TNK2: variants seen among roughly 807,000 people sequenced by gnomAD.
TNK2 encodes activated CDC42 kinase 1.
A neutral mutation model predicts 101.8 loss-of-function variants in TNK2; 83 were observed. The observed-to-expected ratio is 0.82, with a 90% CI of 0.68 to 0.98. The LOEUF (loss-of-function observed/expected upper bound fraction) is 0.98, where lower values mean the gene tolerates loss of function less well. Ranked by LOEUF, TNK2 falls within the 50% of genes least tolerant of loss-of-function variation. TNK2 has a pLI of 0.00. For synonymous variants in TNK2, 804 were observed against 633.0 expected, an observed-to-expected ratio of 1.27 and a Z score of -4.06; for missense variants, 1,665 against 1,483.2, an observed-to-expected ratio of 1.12 and a Z score of -2.01.
chr3:195,893,550 C>T (rs1483210056), intron 1 of TNK2, among the ~76,000 whole-genome samples: 1 of 152,130 alleles, frequency 6.6e-6, no homozygotes, highest in East Asian at 1.9e-4. Flanking sequence ...CCTAGAGACA[C>T]TCCATCAAGC....
intron 4 of TNK2, chr3:195,884,305 T>C (rs1754618972): frequency 6.6e-6 from 1 of 152,240 alleles, no homozygotes; most frequent in Non-Finnish European, 1.5e-5. Flanking sequence ...CAAACTTTTA[T>C]AATAAATTAT....
intron 1 of TNK2, among the ~76,000 whole-genome samples, chr3:195,905,488 C>T (rs151094251): frequency 5.9e-5 from 9 of 152,158 alleles, no homozygotes; most frequent in East Asian, 5.8e-4. Flanking sequence ...AGTGAGCCAC[C>T]GTGCCCAGCC....
At chr3:195,901,130 G>T (rs4927790) in intron 1 of TNK2, among the ~76,000 whole-genome samples, 42,505 of 151,826 alleles carry the variant, frequency 0.28, 6,193 homozygotes, top group African/African-American at 0.36. Flanking sequence ...CCAGAGAAAT[G>T]TCCGGTGCTT....
rs115717686 is a variant in TNK2, at chr3:195,864,250, C to G, written c.3162-63G>C. 5.3e-3 allele frequency: 8,513 copies of G among 1,606,680 alleles called. 52 individuals are homozygous for G. The highest frequency in any genetic ancestry group is 0.013 in the East Asian group (564 of 44,820). ...TACAGAAGGTTCAGCGGGGCAGGCACCGGGGGTCACACTGGTGCCAGGCAA... is the reference window on the plus strand; with the variant it reads ...TACAGAAGGTTCAGCGGGGCAGGCAGCGGGGGTCACACTGGTGCCAGGCAA... On this transcript the variant is annotated intron_variant, in intron 15 of 15. Coordinates refer to ENST00000672887, the MANE Select transcript of TNK2 (RefSeq NM_001382273.1).
At chr3:195,887,822 G>T (rs1015742392) in intron 2 of TNK2, among the ~76,000 whole-genome samples, 1 of 138,516 alleles carries the variant, frequency 7.2e-6, no homozygotes, top group African/African-American at 3.1e-5. Flanking sequence ...GTGCATGCGG[G>T]TGTGCGCACA....
chr3:195,869,693 A>G, intron 11 of TNK2, 152 bp from the exon 12 acceptor site: 1 of 788,666 alleles, frequency 1.3e-6, no homozygotes, highest in Admixed American at 2.1e-5. Context: ...AGCAAACGGG[A>G]GGCCGCAGGC....
chr3:195,876,137 A>G (rs138888577), intron 9 of TNK2, among the ~76,000 whole-genome samples: 1 of 152,270 alleles, frequency 6.6e-6, no homozygotes, highest in Non-Finnish European at 1.5e-5. Flanking sequence ...TATGCGGAAC[A>G]AAAGTGCTGC....
chr3:195,867,958 C>CTCCTCCT lies in TNK2; in HGVS notation c.2333_2339dup (p.Thr781GlyfsTer115). 6.5e-7 allele frequency: 1 copy of CTCCTCCT among 1,543,354 alleles called. No individual in the cohort carries two copies. Among genetic ancestry groups the CTCCTCCT allele is most frequent in the South Asian group, 1.2e-5 (1 of 83,260 alleles). On this transcript the variant is annotated frameshift_variant, in exon 13 of 16. Transcript: ENST00000672887. LOFTEE classifies it high-confidence loss of function. ...AAGCAGGTCCAGGCCACTGGCTGGT[C>CTCCTCCT]TCCTCCTCGCCCGGGGGGGCTGGAG...
At chr3:195,877,458 G>T (rs1344764401) in intron 9 of TNK2, among the ~76,000 whole-genome samples, 1 of 152,184 alleles carries the variant, frequency 6.6e-6, no homozygotes, top group Non-Finnish European at 1.5e-5. Context: ...GGCTCCCTGG[G>T]AAGCAGCCCT....
At position 195,869,601 on chromosome 3, in the gene TNK2, G is replaced by C. The variant is rs536396725; in HGVS notation, c.1544-60C>G. The C allele has an allele frequency of 1.2e-4, 177 of 1,516,818 alleles. 1 individual carries two copies. In the African/African-American group the frequency reaches 2.4e-3, roughly 20 times the overall value. The allele number at this position is 1,516,818 out of a possible 1,614,324, so 94.0% of individuals were successfully genotyped here. On this transcript the variant is annotated intron_variant, in intron 11 of 15. Transcript: ENST00000672887. ...ACGGAGCAGGACAGAGGACAAAGGAGGGAGACGGCCGGACGAGAGGGCAGA... is the reference window on the plus strand; with the variant it reads ...ACGGAGCAGGACAGAGGACAAAGGACGGAGACGGCCGGACGAGAGGGCAGA...
chr3:195,885,597 T>G lies in TNK2; in HGVS notation c.235-564A>C, dbSNP rs1755259444. On this transcript the variant is annotated intron_variant, in intron 3 of 15. Transcript: ENST00000672887. This position sits in a 1 kb window ranked among gnomAD's most constrained non-coding sequence, Gnocchi z 4.7. ...TGAGGTTGAACCGTGAGTGTGTGTG[T>G]GGTTCAGATGAAGCTAGTCCTTGCT... 1 of 1,289,116 alleles carries G rather than the reference T, an allele frequency of 7.8e-7. No individual in the cohort carries two copies. The highest frequency in any genetic ancestry group is 1.5e-5 in the African/African-American group (1 of 65,918). 79.9% of individuals were successfully genotyped at this position (1,289,116 alleles called of 1,614,324 possible). A position where few individuals can be genotyped will look rare whatever the true frequency, so the allele number is the denominator to read the frequency against.
chr3:195,904,913 G>C (rs180686960), intron 1 of TNK2, among the ~76,000 whole-genome samples: 1 of 152,172 alleles, frequency 6.6e-6, no homozygotes, highest in Non-Finnish European at 1.5e-5. Context: ...ACTGCTAACC[G>C]ATCAATTCTC....
intron 6 of TNK2, among the ~76,000 whole-genome samples, chr3:195,880,408 CACCCCCCCAGCA>C (rs1751760235): frequency 7.3e-6 from 1 of 136,650 alleles, no homozygotes; most frequent in Non-Finnish European, 1.6e-5. Context: ...ATCCCTGTAA[CACCCCCCCAGCA>C]ATGCCCCTTG....
chr3:195,876,266 GAGA>G (rs1393682042), intron 9 of TNK2, among the ~76,000 whole-genome samples: 1 of 152,216 alleles, frequency 6.6e-6, no homozygotes, highest in Admixed American at 6.5e-5. Flanking sequence ...CTGGTACCCT[GAGA>G]AGGACTGAGC....
At chr3:195,883,541 G>A in intron 4 of TNK2, 1 of 526,832 alleles carries the variant, frequency 1.9e-6, no homozygotes, top group African/African-American at 1.9e-5. Context: ...CCCTTCCTGG[G>A]GGAATGCCGG....
In TNK2 at chr3:195,885,414, C is replaced by T; in HGVS notation, c.235-381G>A. 3 of 1,338,912 alleles carry T rather than the reference C, an allele frequency of 2.2e-6. No individual in the cohort carries two copies. Among genetic ancestry groups the T allele is most frequent in the Admixed American group, 2.2e-5 (1 of 44,822 alleles). 82.9% of individuals were successfully genotyped at this position (1,338,912 alleles called of 1,614,324 possible). On this transcript the variant is annotated intron_variant, in intron 3 of 15. Transcript: ENST00000672887. The surrounding 1 kb of genome is among the most constrained non-coding windows in gnomAD (Gnocchi z 4.7). Reference sequence around the variant, plus strand: ...CACCCCGCAGACTCCAGCCCTAACCCGCATCGATGGAGCCGCAGGGGCCCT... The same window carrying T: ...CACCCCGCAGACTCCAGCCCTAACCTGCATCGATGGAGCCGCAGGGGCCCT...
rs1042357846 is a variant in TNK2, at chr3:195,867,160, T to C, written c.3033+9A>G. On this transcript the variant is annotated intron_variant, in intron 14 of 15. Transcript: ENST00000672887. ...CCTGAGAGCCAGAGTGAGCAGGAGG[T>C]GGCGGTACCTTCAGATACTGGGCAG... The C allele has an allele frequency of 2.5e-6, 4 of 1,612,102 alleles. No homozygotes were observed. Among genetic ancestry groups the C allele is most frequent in the Non-Finnish European group, 3.4e-6 (4 of 1,179,660 alleles).
chr3:195,880,719 C>CCCG (rs1553911481), intron 6 of TNK2, among the ~76,000 whole-genome samples: 2 of 66,400 alleles, frequency 3.0e-5, no homozygotes, highest in African/African-American at 8.1e-5. Flanking sequence ...CCCTGTAACA[C>CCCG]CCCCCCAGCA....
chr3:195,868,308 A>G lies in TNK2; in HGVS notation c.1990T>C (p.Ser664Pro), dbSNP rs778891910. ...GCGCCCACGAGGGTGCTGTTGATGG[A>G]GCAGATCTCAAAGTCATCCTCATCC... is the stretch of plus-strand genomic sequence containing the variant. ...AQDEDDFEIC[S>P]INSTLVGAGV... The change falls in exon 13 of 16, where the codon TCC (serine) becomes CCC (proline). Residue 664 changes from serine (S) to proline (P), a missense_variant. Ser to Pro is a moderately conservative substitution (Grantham distance 74, BLOSUM62 -1). Around this residue, in one of 3 missense-constraint regions of TNK2, gnomAD observed 1,136 missense variants for 894.9 expected, o/e 1.27. Transcript: ENST00000672887. 10 of 1,602,958 alleles carry G rather than the reference A, an allele frequency of 6.2e-6. No individual in the cohort carries two copies. Among genetic ancestry groups the G allele is most frequent in the Non-Finnish European group, 8.5e-6 (10 of 1,179,304 alleles).
Sources: allele counts gnomAD v4.1 joint callset (sites outside exome capture counted in the v4.1 genomes callset), GRCh38; gene constraint gnomAD v4.1.1; regional missense constraint gnomAD v4.1.1; non-coding constraint Gnocchi (gnomAD v3.1); transcripts MANE v1.5; gene names NCBI Gene and HGNC (gene_info 2026-07-23, HGNC 2026-07-21).